Variants in SPEF2 observed in about 807,000 individuals in gnomAD.
The protein encoded by SPEF2 is sperm flagella and cilia-associated protein 2.
In SPEF2, 187 loss-of-function variants were observed where a neutral mutation model predicts 224.6. That is an observed-to-expected ratio of 0.83 (90% confidence interval 0.74 to 0.94). The LOEUF is 0.94. Ranked by LOEUF, SPEF2 falls within the 40% of genes least tolerant of loss-of-function variation. The pLI, the probability that SPEF2 is intolerant of heterozygous loss-of-function variation, is 0.00. For missense variants in SPEF2, 2,170 were observed against 2,135.6 expected (o/e 1.02, Z -0.32); for synonymous variants, 715 against 707.3 (o/e 1.01, Z -0.17).
chr5:35,675,217 C>T (rs990919789), intron 10 of SPEF2, among the ~76,000 whole-genome samples: 4 of 152,146 alleles, frequency 2.6e-5, no homozygotes, highest in Non-Finnish European at 5.9e-5. Context: ...TGTCATTGCA[C>T]TCAATGCCTC....
rs1561163309 is a variant in SPEF2 at position 35,667,228 on chromosome 5, A to G, written c.1324A>G (p.Lys442Glu). Residue 442 changes from lysine (K) to glutamate (E), a missense_variant, in exon 9 of 37, where the codon AAA becomes GAA. Transcript: ENST00000356031. Reference protein sequence around the residue: ...ILDQIVDLSTKVADYRMLTNN... With the variant: ...ILDQIVDLSTEVADYRMLTNN... Reference sequence around the variant, plus strand: ...GGATCAAATAGTTGATTTGTCCACTAAAGTGGCAGACTATCGAATGTTGAC... The same window carrying G: ...GGATCAAATAGTTGATTTGTCCACTGAAGTGGCAGACTATCGAATGTTGAC... 1.2e-6 allele frequency: 2 copies of G among 1,604,960 alleles called. No homozygotes were observed. Among genetic ancestry groups the G allele is most frequent in the Non-Finnish European group, 1.7e-6 (2 of 1,174,940 alleles).
intron 10 of SPEF2, among the ~76,000 whole-genome samples, chr5:35,683,822 T>C (rs1000986908): frequency 6.6e-6 from 1 of 152,238 alleles, no homozygotes; most frequent in African/African-American, 2.4e-5. Flanking sequence ...TACATACTGA[T>C]AGTATTTATG....
rs1758226793 is a variant in SPEF2, at chr5:35,807,514, A to C, written c.5379+261A>C. 5 of 971,146 alleles carry C rather than the reference A, an allele frequency of 5.1e-6. No homozygotes were observed. The South Asian group carries it at 6.3e-5, about 12-fold the overall frequency. 60.2% of individuals were successfully genotyped at this position (971,146 alleles called of 1,614,324 possible). On this transcript the variant is annotated intron_variant, in intron 36 of 36. Coordinates refer to ENST00000356031, the MANE Select transcript of SPEF2 (RefSeq NM_024867.4). ...CAGTGTTAGGATTGTCATTGTAGCC[A>C]TGTAATGACCCTAGCCTGTGATTGA...
chr5:35,646,801 G>A lies in SPEF2; in HGVS notation c.720G>A (p.Glu240=). The change falls in exon 5 of 37, where the codon GAG becomes GAA. Residue 240 remains glutamate (E), a synonymous_variant. Coordinates refer to ENST00000356031, the MANE Select transcript of SPEF2 (RefSeq NM_024867.4). ...EAQKMMKKKK[E]AEDVADEIKK... ...AAAAAATGATGAAAAAGAAAAAAGA[G>A]GCAGAAGTAAGTGATAATCCTTTAA... 7 of 1,613,626 alleles carry A rather than the reference G, an allele frequency of 4.3e-6. No homozygotes were observed. Among genetic ancestry groups the A allele is most frequent in the Non-Finnish European group, 5.9e-6 (7 of 1,179,774 alleles).
chr5:35,710,701 T>C (rs1432757672), intron 19 of SPEF2: 7 of 985,300 alleles, frequency 7.1e-6, no homozygotes, highest in Non-Finnish European at 8.4e-6. Flanking sequence ...CAAGAGTATC[T>C]ATGTATTTGA....
At chr5:35,721,444 G>T (rs1170234710) in intron 20 of SPEF2, among the ~76,000 whole-genome samples, 1 of 152,116 alleles carries the variant, frequency 6.6e-6, no homozygotes. Context: ...TTAATTAAGG[G>T]TGTGGTTAGT....
At chr5:35,759,804 C>A in intron 25 of SPEF2, 85 bp downstream of exon 25, 1 of 1,282,106 alleles carries the variant, frequency 7.8e-7, no homozygotes, top group Non-Finnish European at 1.0e-6. Flanking sequence ...ATAAAAATCA[C>A]ACTCCTTTAT....
chr5:35,690,123 C>T (rs1365512001), intron 10 of SPEF2, among the ~76,000 whole-genome samples: 2 of 151,848 alleles, frequency 1.3e-5, no homozygotes, highest in African/African-American at 2.4e-5. Flanking sequence ...ATAATAAACA[C>T]ATGTATTGAT....
chr5:35,620,024 A>G (rs970305700), intron 1 of SPEF2, among the ~76,000 whole-genome samples: 28 of 152,088 alleles, frequency 1.8e-4, no homozygotes, highest in African/African-American at 6.3e-4. Flanking sequence ...ATTCACTAGC[A>G]AAACGTATTA....
intron 18 of SPEF2, among the ~76,000 whole-genome samples, chr5:35,706,117 A>T (rs1739712857): frequency 6.6e-6 from 1 of 151,862 alleles, no homozygotes; most frequent in South Asian, 2.1e-4. Context: ...TATTCTCTGG[A>T]TATTTGTAAT....
At chr5:35,778,330 C>T (rs940103289) in intron 29 of SPEF2, among the ~76,000 whole-genome samples, 2 of 152,140 alleles carry the variant, frequency 1.3e-5, no homozygotes, top group African/African-American at 2.4e-5. Flanking sequence ...TAAATCTTTG[C>T]CGTATATGAG....
Position 35,813,177 on chromosome 5 carries a change from A to T in SPEF2, c.5380-1287A>T, listed in dbSNP as rs900029502. Among the ~76,000 whole-genome samples, 28 of 152,168 alleles carry T rather than the reference A, an allele frequency of 1.8e-4. 1 individual carries two copies. The highest frequency in any genetic ancestry group is 7.3e-5 in the Non-Finnish European group (5 of 68,036). On this transcript the variant is annotated intron_variant, in intron 36 of 36. Transcript: ENST00000356031. Reference sequence around the variant, plus strand: ...TGACATTAGTTATTATAAACATACTATATAAAGAAGACATGTTATTAGGAA... The same window carrying T: ...TGACATTAGTTATTATAAACATACTTTATAAAGAAGACATGTTATTAGGAA...
At chr5:35,727,393 A>T (rs1460838578) in intron 20 of SPEF2, among the ~76,000 whole-genome samples, 1 of 152,212 alleles carries the variant, frequency 6.6e-6, no homozygotes, top group Non-Finnish European at 1.5e-5. Context: ...ACTTTATAAA[A>T]GTCACATGTT....
intron 30 of SPEF2, among the ~76,000 whole-genome samples, chr5:35,785,354 A>C (rs1754949417): frequency 6.6e-6 from 1 of 152,210 alleles, no homozygotes; most frequent in South Asian, 2.1e-4. Context: ...TGAAACACAC[A>C]GGTATTTTCC....
chr5:35,736,468 A>AGTGTGTGTGTGTGTGT (rs139387194), intron 21 of SPEF2, among the ~76,000 whole-genome samples: 36 of 149,132 alleles, frequency 2.4e-4, no homozygotes, highest in African/African-American at 8.6e-4. Context: ...CAAGTGACAG[A>AGTGTGTGTGTGTGTGT]GTGTGTGTGT....
At chr5:35,803,475 C>T (rs931555) in intron 34 of SPEF2, among the ~76,000 whole-genome samples, 36,324 of 152,106 alleles carry the variant, frequency 0.24, 5,388 homozygotes, top group Non-Finnish European at 0.33. Flanking sequence ...AAGAACACTG[C>T]GCTGCAGAGA....
intron 32 of SPEF2, among the ~76,000 whole-genome samples, chr5:35,794,359 T>G (rs1320238330): frequency 6.6e-6 from 1 of 152,204 alleles, no homozygotes; most frequent in African/African-American, 2.4e-5. Context: ...ATCATACCCC[T>G]TCCTGTTTCC....
intron 23 of SPEF2, among the ~76,000 whole-genome samples, chr5:35,751,469 A>G (rs1433066972): frequency 6.6e-6 from 1 of 151,876 alleles, no homozygotes; most frequent in Non-Finnish European, 1.5e-5. Context: ...TTATGGAAAA[A>G]TAAGGTAATT....
At position 35,702,530 on chromosome 5, in the gene SPEF2, C is replaced by G. The variant is rs193253309; in HGVS notation, c.2398+1778C>G. Among the ~76,000 whole-genome samples the G allele has an allele frequency of 2.0e-5, 3 of 152,170 alleles. No individual in the cohort carries two copies. In the East Asian group the frequency reaches 5.8e-4, roughly 29 times the overall value. On this transcript the variant is annotated intron_variant, in intron 16 of 36. Transcript: ENST00000356031. ...TTGAGTTCAGGCATCAAATACTGAC[C>G]CTTTGTGGCTAATGGTGACTGAAAA...
Sources: gnomAD v4.1 joint callset for allele counts (sites outside exome capture counted in the v4.1 genomes callset) on GRCh38, gnomAD v4.1.1 for gene constraint, MANE v1.5 for transcripts, NCBI Gene and HGNC (gene_info 2026-07-23, HGNC 2026-07-21) for gene names.